ERBIN: variants seen among roughly 807,000 people sequenced by gnomAD.
ERBIN encodes erbb2 interacting protein.
A neutral mutation model predicts 158.4 loss-of-function variants in ERBIN; 60 were observed. The observed-to-expected ratio is 0.38, with a 90% CI of 0.31 to 0.47. The LOEUF (loss-of-function observed/expected upper bound fraction) is 0.47, where lower values mean the gene tolerates loss of function less well. Ranked by LOEUF, ERBIN falls within the 20% of genes least tolerant of loss-of-function variation. The probability of loss-of-function intolerance (pLI) is 0.99; values close to 1 mark genes in which losing one functional copy is unlikely to be tolerated. For missense variants in ERBIN, 1,610 were observed against 1,648.0 expected (o/e 0.98, Z 0.40); for synonymous variants, 594 against 557.2 (o/e 1.07, Z -0.93).
Position 66,021,970 on chromosome 5 carries a change from AT to A in ERBIN, c.597+598del, listed in dbSNP as rs371839167. ...CAAAAGAACTCAGAAAATAAGCTAG[AT>A]TTTTTTTTTTTTGAAGAGGAACTCA... On this transcript the variant is annotated intron_variant, in intron 8 of 25. Coordinates refer to ENST00000284037, the MANE Select transcript of ERBIN (RefSeq NM_001253697.2). Among the ~76,000 whole-genome samples, 238 of 145,954 alleles carry A rather than the reference AT, an allele frequency of 1.6e-3. 2 individuals are homozygous for A. Among genetic ancestry groups the A allele is most frequent in the East Asian group, 7.9e-3 (40 of 5,034 alleles).
chr5:65,956,596 T>C (rs1246638026), intron 1 of ERBIN, among the ~76,000 whole-genome samples: 1 of 151,384 alleles, frequency 6.6e-6, no homozygotes, highest in African/African-American at 2.4e-5. Flanking sequence ...GCCTAGCTGG[T>C]TTCGAACTCC....
intron 21 of ERBIN, among the ~76,000 whole-genome samples, chr5:66,071,301 C>T (rs1251698609): frequency 1.3e-5 from 2 of 152,018 alleles, no homozygotes; most frequent in Non-Finnish European, 2.9e-5. Context: ...TCCAGGAAGT[C>T]GAGGCTGCGG....
intron 1 of ERBIN, among the ~76,000 whole-genome samples, chr5:65,962,601 A>C (rs1748045264): frequency 6.6e-6 from 1 of 152,204 alleles, no homozygotes; most frequent in Non-Finnish European, 1.5e-5. Context: ...TTTATATTTA[A>C]TACTGGGGAA....
At chr5:66,020,619 G>T (rs1755584747) in intron 7 of ERBIN, among the ~76,000 whole-genome samples, 1 of 151,872 alleles carries the variant, frequency 6.6e-6, no homozygotes, top group South Asian at 2.1e-4. Flanking sequence ...GTTTCAAAGG[G>T]TACCTTTGTA....
chr5:66,052,606 T>C (rs1310608022), intron 20 of ERBIN, among the ~76,000 whole-genome samples: 1 of 152,212 alleles, frequency 6.6e-6, no homozygotes, highest in East Asian at 1.9e-4. Context: ...CTTTTTGTGC[T>C]GTATTTCTAG....
In ERBIN at chr5:65,929,428, AT is replaced by A. The variant is rs1743078851; in HGVS notation, c.-58+2626del. ...TACAGAGTATTTGGGATTATGCAGA[AT>A]TTTAGTGATGCTGGGTAGCAGTTTC... On this transcript the variant is annotated intron_variant, in intron 1 of 25. Coordinates refer to ENST00000284037, the MANE Select transcript of ERBIN (RefSeq NM_001253697.2). Among the ~76,000 whole-genome samples the A allele has an allele frequency of 2.6e-5, 4 of 152,302 alleles. No homozygotes were observed. In the South Asian group the frequency reaches 8.3e-4, roughly 32 times the overall value.
In ERBIN at chr5:66,025,890, T is replaced by A; in HGVS notation, c.933T>A (p.Val311=). 1 of 1,579,010 alleles carries A rather than the reference T, an allele frequency of 6.3e-7. No individual in the cohort carries two copies. Among genetic ancestry groups the A allele is most frequent in the Non-Finnish European group, 8.6e-7 (1 of 1,160,472 alleles). The change falls in exon 12 of 26, where the codon GTT becomes GTA. Residue 311 remains valine, a synonymous_variant. Transcript: ENST00000284037. The part of the protein sequence containing the change: ...VEELDCSFNE[V]EALPSSIGQL... Reference sequence around the variant, plus strand: ...AACTGGATTGTAGTTTCAATGAAGTTGAAGCTTTGCCTTCATCTATTGGGC... The same window carrying A: ...AACTGGATTGTAGTTTCAATGAAGTAGAAGCTTTGCCTTCATCTATTGGGC...
intron 1 of ERBIN, among the ~76,000 whole-genome samples, chr5:65,955,862 C>A (rs1747050858): frequency 6.6e-6 from 1 of 152,200 alleles, no homozygotes; most frequent in Admixed American, 6.5e-5. Context: ...TTTGAAATTG[C>A]ATGCTGTTCT....
At chr5:65,938,560 T>C (rs1744373297) in intron 1 of ERBIN, among the ~76,000 whole-genome samples, 1 of 151,628 alleles carries the variant, frequency 6.6e-6, no homozygotes. Context: ...TTCTGTTTTG[T>C]TTTTTTTCTT....
intron 1 of ERBIN, among the ~76,000 whole-genome samples, chr5:65,981,997 G>T (rs1750712342): frequency 6.6e-6 from 1 of 152,208 alleles, no homozygotes; most frequent in Admixed American, 6.5e-5. Flanking sequence ...ATGTTTTTCA[G>T]TCTACAGTGG....
chr5:66,024,246 A>G (rs1244846678), intron 9 of ERBIN, 60 bp from the exon 10 acceptor site: 3 of 1,191,548 alleles, frequency 2.5e-6, no homozygotes, highest in African/African-American at 1.6e-5. Flanking sequence ...TTTATTCCCT[A>G]AACTTTTTAC....
intron 4 of ERBIN, among the ~76,000 whole-genome samples, chr5:66,006,151 G>A (rs1217396006): frequency 1.3e-5 from 2 of 152,206 alleles, no homozygotes; most frequent in African/African-American, 4.8e-5. Flanking sequence ...TACACTACAA[G>A]GCTACAGTAA....
intron 1 of ERBIN, among the ~76,000 whole-genome samples, chr5:65,949,176 G>A (rs1746194280): frequency 6.6e-6 from 1 of 152,010 alleles, no homozygotes; most frequent in South Asian, 2.1e-4. Flanking sequence ...CTCCACAAGG[G>A]CTACTTGATA....
chr5:66,060,832 T>C (rs1760203844), intron 21 of ERBIN, among the ~76,000 whole-genome samples: 1 of 152,224 alleles, frequency 6.6e-6, no homozygotes, highest in African/African-American at 2.4e-5. Flanking sequence ...TTGTGCAGTT[T>C]CGATGTAGTT....
In ERBIN at chr5:66,054,662, G is replaced by T; in HGVS notation, c.3344G>T (p.Arg1115Ile). The change falls in exon 21 of 26, where the codon AGA becomes ATA. Residue 1115 changes from arginine to isoleucine, a missense_variant. By Grantham distance (97) the Arg-to-Ile change is moderately conservative (BLOSUM62 -3). This residue lies in a region of ERBIN where 1,014 missense variants were observed against 936.1 expected (regional missense o/e 1.08). Coordinates refer to ENST00000284037, the MANE Select transcript of ERBIN (RefSeq NM_001253697.2). ...LSYREFHSAG[R>I]TPPMMPGSQR... ...TACAGAGAGTTCCACTCAGCGGGAA[G>T]AACTCCTCCAATGATGCCAGGATCA... 3 of 1,614,102 alleles carry T rather than the reference G, an allele frequency of 1.9e-6. No individual in the cohort carries two copies. Among genetic ancestry groups the T allele is most frequent in the Non-Finnish European group, 1.7e-6 (2 of 1,180,012 alleles).
chr5:65,962,847 A>G (rs1037511278), intron 1 of ERBIN, among the ~76,000 whole-genome samples: 3 of 152,220 alleles, frequency 2.0e-5, no homozygotes, highest in African/African-American at 7.2e-5. Context: ...CTAATTAAGG[A>G]TGGTTCTAAA....
chr5:65,966,680 CAAAAAAAAA>C (rs70987105), intron 1 of ERBIN, among the ~76,000 whole-genome samples: 1 of 50,146 alleles, frequency 2.0e-5, no homozygotes, highest in Non-Finnish European at 3.5e-5. Context: ...AACTCTGTCT[CAAAAAAAAA>C]AAAAAAAAAA....
chr5:66,006,945 C>G (rs1027616112), intron 4 of ERBIN, among the ~76,000 whole-genome samples: 1 of 149,078 alleles, frequency 6.7e-6, no homozygotes, highest in Non-Finnish European at 1.5e-5. Flanking sequence ...GTTGGTGGGA[C>G]TGTAAACTAG....
chr5:66,077,310 A>AT (rs1762076824), intron 25 of ERBIN, among the ~76,000 whole-genome samples: 1 of 151,966 alleles, frequency 6.6e-6, no homozygotes, highest in Non-Finnish European at 1.5e-5. Flanking sequence ...TGCGAAACTC[A>AT]TTTTTTCCTG....
Sources: allele counts gnomAD v4.1 joint callset (sites outside exome capture counted in the v4.1 genomes callset), GRCh38; gene constraint gnomAD v4.1.1; regional missense constraint gnomAD v4.1.1; transcripts MANE v1.5; gene names NCBI Gene and HGNC (gene_info 2026-07-23, HGNC 2026-07-21).